Variants in MYO16 observed in about 807,000 individuals in gnomAD.
MYO16 encodes myosin XVI, also known as unconventional myosin-XVI.
Under a neutral mutation model 205.3 loss-of-function variants are expected in MYO16, and 94 were observed. The ratio of observed to expected loss-of-function variants is 0.46; its 90% CI spans 0.39 to 0.54. MYO16 has a LOEUF of 0.54. MYO16 is among the 20% of genes least tolerant of loss of function. The pLI is 0.00. For synonymous variants in MYO16, 988 were observed against 954.0 expected (o/e 1.04, Z -0.66); for missense variants, 2,315 against 2,387.5 (o/e 0.97, Z 0.63).
chr13:109,035,438 C>T (rs1214839515), intron 23 of MYO16, among the ~76,000 whole-genome samples: 1 of 152,098 alleles, frequency 6.6e-6, no homozygotes, highest in Non-Finnish European at 1.5e-5. Context: ...AATCCCAACA[C>T]TTTGGGAGGC....
rs1049972754 is a variant in MYO16 at position 109,163,210 on chromosome 13, G to A, written c.5165-1691G>A. On this transcript the variant is annotated intron_variant, in intron 32 of 34. Coordinates refer to ENST00000457511, the MANE Select transcript of MYO16 (RefSeq NM_001198950.3). The stretch of plus-strand genomic sequence containing the variant: ...TGTGCTGTAAAGGAGAGGTCCCTGC[G>A]GGTGATCTGACCAAGGTCCTGACTG... Among the ~76,000 whole-genome samples the A allele has an allele frequency of 2.4e-4, 36 of 152,282 alleles. 1 individual carries two copies. The highest frequency in any genetic ancestry group is 3.2e-4 in the Non-Finnish European group (22 of 68,022).
chr13:108,642,428 G>T (rs973006993), intron 1 of MYO16, among the ~76,000 whole-genome samples: 12 of 152,118 alleles, frequency 7.9e-5, no homozygotes, highest in Non-Finnish European at 1.5e-4. Context: ...AGACACGTTG[G>T]TAACTTTGGG....
the MYO16 span, among the ~76,000 whole-genome samples, chr13:108,503,616 T>C: frequency 6.6e-6 from 1 of 152,130 alleles, no homozygotes. Flanking sequence ...GTGCTACTTG[T>C]AATCTTTGGG....
At chr13:109,122,723 C>T (rs753536360) in intron 29 of MYO16, among the ~76,000 whole-genome samples, 41 of 150,336 alleles carry the variant, frequency 2.7e-4, no homozygotes, top group Non-Finnish European at 4.7e-4. Flanking sequence ...AAAATTACAT[C>T]AAGATAGAAA....
At chr13:108,969,133 G>A (rs1883913353) in intron 20 of MYO16, among the ~76,000 whole-genome samples, 2 of 152,134 alleles carry the variant, frequency 1.3e-5, no homozygotes, top group African/African-American at 4.8e-5. Flanking sequence ...GTTTTCGAGA[G>A]TATAGCCCTG....
the MYO16 span, among the ~76,000 whole-genome samples, chr13:108,523,646 A>T: frequency 6.6e-6 from 1 of 152,164 alleles, no homozygotes; most frequent in Non-Finnish European, 1.5e-5. Context: ...CATTCAGTAA[A>T]GTTAAAGGGT....
chr13:109,085,340 T>C (rs1261873880), intron 27 of MYO16, among the ~76,000 whole-genome samples: 1 of 152,206 alleles, frequency 6.6e-6, no homozygotes, highest in Non-Finnish European at 1.5e-5. Flanking sequence ...AAAACTTCAT[T>C]GAGCTGAAGA....
Position 109,018,973 on chromosome 13 carries a change from T to TG in MYO16, c.2596-737dup, listed in dbSNP as rs1162487468. ...CTTGGACATACTCTGTTTTTTTTTT[T>TG]GTTTTTTTTTTTTTGAGGCAGGGTT... On this transcript the variant is annotated intron_variant, in intron 22 of 34. Transcript: ENST00000457511. 9.0e-3 allele frequency among the ~76,000 whole-genome samples: 1,260 copies of TG among 140,220 alleles called. 12 individuals carry two copies. The highest frequency in any genetic ancestry group is 0.03 in the African/African-American group (1,038 of 34,736). 92.0% of individuals were successfully genotyped at this position (140,220 alleles called of 152,430 possible).
At chr13:108,602,356 T>C (rs1878797097) in intron 1 of MYO16, among the ~76,000 whole-genome samples, 2 of 152,160 alleles carry the variant, frequency 1.3e-5, no homozygotes, top group Non-Finnish European at 2.9e-5. Flanking sequence ...AGGCTGTTTT[T>C]CCTTTCCTTA....
chr13:109,055,670 G>A lies in MYO16; in HGVS notation c.3335+75G>A, dbSNP rs542978019. Reference sequence around the variant, plus strand: ...GTGTACTGACACTGACACTATTGTAGCAAGGGTCTTCTGTTGTCTTTTTTG... The same window carrying A: ...GTGTACTGACACTGACACTATTGTAACAAGGGTCTTCTGTTGTCTTTTTTG... On this transcript the variant is annotated intron_variant, in intron 27 of 34. Transcript: ENST00000457511. This position sits in a 1 kb window ranked among gnomAD's most constrained non-coding sequence, Gnocchi z 5.0. 1 of 1,334,304 alleles carries A rather than the reference G, an allele frequency of 7.5e-7. No individual in the cohort carries two copies. Among genetic ancestry groups the A allele is most frequent in the African/African-American group, 1.4e-5 (1 of 69,180 alleles). The allele number at this position is 1,334,304 out of a possible 1,614,324, so 82.7% of individuals were successfully genotyped here.
At chr13:108,534,344 G>A in the MYO16 span, among the ~76,000 whole-genome samples, 2 of 152,100 alleles carry the variant, frequency 1.3e-5, no homozygotes, top group South Asian at 4.2e-4. Flanking sequence ...AAGCTTCTAG[G>A]GAAAGCTGTC....
At chr13:109,189,939 TTCCC>T (rs1184686813) in intron 34 of MYO16, among the ~76,000 whole-genome samples, 2 of 152,138 alleles carry the variant, frequency 1.3e-5, no homozygotes, top group East Asian at 3.8e-4. Flanking sequence ...TTTTTCAACT[TTCCC>T]AATTCCTCAG....
the MYO16 span, among the ~76,000 whole-genome samples, chr13:108,581,815 G>T: frequency 6.6e-6 from 1 of 150,406 alleles, no homozygotes; most frequent in Non-Finnish European, 1.5e-5. Context: ...AACCCAGGAG[G>T]TTGCAGTGAG....
the MYO16 span, among the ~76,000 whole-genome samples, chr13:108,572,843 TG>T: frequency 3.9e-5 from 6 of 152,194 alleles, no homozygotes; most frequent in Admixed American, 1.3e-4. Flanking sequence ...AACAAGTTTT[TG>T]CTGTAGCAAC....
chr13:109,019,806 A>G lies in MYO16; in HGVS notation c.2691A>G (p.Glu897=). ...NFPKKLQSLL[E]SSNTNAVYSP... is the part of the protein sequence containing the mutation. Reference sequence around the variant, plus strand: ...CAAAAAAACTACAAAGTCTCCTAGAATCCTCAAACACAAATGCGGTGTACT... The same window carrying G: ...CAAAAAAACTACAAAGTCTCCTAGAGTCCTCAAACACAAATGCGGTGTACT... The change falls in exon 23 of 35, where the codon GAA becomes GAG. Residue 897 remains glutamate (E), a synonymous_variant. Transcript: ENST00000457511. The G allele has an allele frequency of 6.2e-7, 1 of 1,614,152 alleles. No homozygotes were observed.
intron 11 of MYO16, among the ~76,000 whole-genome samples, chr13:108,861,286 A>G (rs571468643): frequency 2.5e-4 from 38 of 152,240 alleles, no homozygotes; most frequent in Admixed American, 1.1e-3. Context: ...TATAAATGCA[A>G]TCTGTTTTGT....
At chr13:108,865,004 A>G (rs1878635525) in intron 11 of MYO16, among the ~76,000 whole-genome samples, 1 of 152,176 alleles carries the variant, frequency 6.6e-6, no homozygotes, top group African/African-American at 2.4e-5. Flanking sequence ...TTTTAAAAAA[A>G]GGGAAAGCAT....
At chr13:108,602,592 T>C (rs887728655) in intron 1 of MYO16, among the ~76,000 whole-genome samples, 5 of 152,056 alleles carry the variant, frequency 3.3e-5, no homozygotes, top group African/African-American at 9.7e-5. Context: ...AATCACATGG[T>C]ATGTTGCAAC....
At chr13:109,007,519 G>A (rs1885436132) in intron 21 of MYO16, among the ~76,000 whole-genome samples, 1 of 150,730 alleles carries the variant, frequency 6.6e-6, no homozygotes, top group African/African-American at 2.4e-5. Flanking sequence ...AAGAATTTGA[G>A]ATAATAAGTA....
Sources: allele counts gnomAD v4.1 joint callset (sites outside exome capture counted in the v4.1 genomes callset), GRCh38; gene constraint gnomAD v4.1.1; non-coding constraint Gnocchi (gnomAD v3.1); transcripts MANE v1.5; gene names NCBI Gene and HGNC (gene_info 2026-07-23, HGNC 2026-07-21).